LANCL2: variants seen among roughly 807,000 people sequenced by gnomAD.
LANCL2 encodes lanC-like protein 2.
In LANCL2, 33 loss-of-function variants were observed where a neutral mutation model predicts 56.9. The ratio of observed to expected loss-of-function variants is 0.58; its 90% CI spans 0.44 to 0.78. The LOEUF (loss-of-function observed/expected upper bound fraction) is 0.78, where lower values mean the gene tolerates loss of function less well. LANCL2 is among the 30% of genes least tolerant of loss of function. The pLI is 0.00. For synonymous variants in LANCL2, 233 were observed against 228.2 expected (o/e 1.02, Z -0.19); for missense variants, 562 against 580.2 (o/e 0.97, Z 0.32).
At chr7:55,379,212 A>G (rs941111166) in intron 1 of LANCL2, among the ~76,000 whole-genome samples, 2 of 152,216 alleles carry the variant, frequency 1.3e-5, no homozygotes, top group Non-Finnish European at 2.9e-5. Context: ...TTAGTAGCAT[A>G]TGCTTTGGAA....
intron 1 of LANCL2, 142 bp downstream of exon 1, chr7:55,366,371 C>T: frequency 3.0e-6 from 2 of 673,204 alleles, no homozygotes; most frequent in Non-Finnish European, 4.7e-6. Context: ...TGTCTCCGGG[C>T]CTTCCCGATG....
intron 1 of LANCL2, among the ~76,000 whole-genome samples, chr7:55,368,895 A>G (rs1394785400): frequency 3.9e-5 from 6 of 152,264 alleles, no homozygotes; most frequent in Admixed American, 6.5e-5. Flanking sequence ...CTGTAATACC[A>G]GCACTTTGGG....
At chr7:55,391,144 G>A (rs1014249330) in intron 1 of LANCL2, among the ~76,000 whole-genome samples, 6 of 151,036 alleles carry the variant, frequency 4.0e-5, no homozygotes, top group Non-Finnish European at 7.4e-5. Flanking sequence ...AGCCTCCCGC[G>A]TAGCTGGGAC....
chr7:55,371,068 A>G (rs1404808177), intron 1 of LANCL2, among the ~76,000 whole-genome samples: 1 of 152,174 alleles, frequency 6.6e-6, no homozygotes, highest in East Asian at 1.9e-4. Context: ...CGTGAATCCC[A>G]CATCCAGTGC....
At chr7:55,372,561 G>A (rs1008956947) in intron 1 of LANCL2, among the ~76,000 whole-genome samples, 1 of 152,132 alleles carries the variant, frequency 6.6e-6, no homozygotes. Flanking sequence ...TGGCTAATTA[G>A]GTTAATACAT....
chr7:55,389,948 C>G (rs1327702235), intron 1 of LANCL2, among the ~76,000 whole-genome samples: 1 of 152,164 alleles, frequency 6.6e-6, no homozygotes, highest in Non-Finnish European at 1.5e-5. Context: ...GGCCTCATGG[C>G]ACTTTGAAAT....
chr7:55,405,087 T>C (rs7778475), intron 5 of LANCL2, among the ~76,000 whole-genome samples: 44,479 of 152,152 alleles, frequency 0.29, 8,066 homozygotes, highest in East Asian at 0.55. Flanking sequence ...CACGCAACCA[T>C]GGAGTCCCAG....
At chr7:55,399,793 CTG>C (rs1790299894) in intron 3 of LANCL2, among the ~76,000 whole-genome samples, 162 bp from the exon 4 acceptor site, 1 of 152,056 alleles carries the variant, frequency 6.6e-6, no homozygotes, top group Non-Finnish European at 1.5e-5. Context: ...GACTAGTAAA[CTG>C]GAGACGTTTT....
intron 2 of LANCL2, among the ~76,000 whole-genome samples, chr7:55,392,297 A>C (rs1205792714): frequency 6.6e-6 from 1 of 152,026 alleles, no homozygotes; most frequent in African/African-American, 2.4e-5. Flanking sequence ...CATCTGAAAA[A>C]AATAAAATGG....
rs1789858323 is a variant in LANCL2 at position 55,366,031 on chromosome 7, C to T, written c.6C>T (p.Gly2=). Residue 2 remains glycine, a synonymous_variant, in exon 1 of 9, where the codon GGC becomes GGT. Coordinates refer to ENST00000254770, the MANE Select transcript of LANCL2 (RefSeq NM_018697.4). ...CGCGCCGTACCGCGGCGGAGATGGG[C>T]GAGACCATGTCAAAGAGGCTGAAGC... M[G]ETMSKRLKLH... is the part of the protein sequence containing the mutation. 4 of 1,478,926 alleles carry T rather than the reference C, an allele frequency of 2.7e-6. No individual in the cohort carries two copies. The highest frequency in any genetic ancestry group is 1.3e-5 in the South Asian group (1 of 77,262). The allele number at this position is 1,478,926 out of a possible 1,614,324, so 91.6% of individuals were successfully genotyped here.
chr7:55,373,620 A>T (rs1562855967), intron 1 of LANCL2, among the ~76,000 whole-genome samples: 1 of 152,198 alleles, frequency 6.6e-6, no homozygotes, highest in Non-Finnish European at 1.5e-5. Flanking sequence ...AAACATCCTC[A>T]CTGCTTGATA....
chr7:55,390,647 G>A lies in LANCL2; in HGVS notation c.205-1146G>A, dbSNP rs1790176835. On this transcript the variant is annotated intron_variant, in intron 1 of 8. Transcript: ENST00000254770. ...AATACAAAAATTAGCTGGGCGTGGT[G>A]GCAAGCGCCTGTAGTCCCAGCTACT... is the stretch of plus-strand genomic sequence containing the variant. 2.0e-5 allele frequency among the ~76,000 whole-genome samples: 3 copies of A among 152,082 alleles called. No homozygotes were observed. In the South Asian group the frequency reaches 6.2e-4, roughly 32 times the overall value.
intron 6 of LANCL2, among the ~76,000 whole-genome samples, chr7:55,422,611 G>A (rs914083916): frequency 4.6e-5 from 7 of 152,056 alleles, no homozygotes; most frequent in East Asian, 1.9e-4. Context: ...CAGATTTCTC[G>A]TTCTTCTCTG....
At position 55,412,093 on chromosome 7, in the gene LANCL2, AGT is replaced by A. The variant is rs1468797010; in HGVS notation, c.1008+6_1008+7del. The A allele has an allele frequency of 6.2e-7, 1 of 1,609,644 alleles. No individual in the cohort carries two copies. Among genetic ancestry groups the A allele is most frequent in the Non-Finnish European group, 8.5e-7 (1 of 1,176,774 alleles). On this transcript the variant is annotated splice_donor_5th_base_variant and intron_variant, in intron 6 of 8. Coordinates refer to ENST00000254770, the MANE Select transcript of LANCL2 (RefSeq NM_018697.4). The stretch of plus-strand genomic sequence containing the variant: ...CATGCTCATGCAGGCGTACAAGGTC[AGT>A]GCTTCCGCCGTCACGGCCGTCCCCT...
chr7:55,406,078 A>G (rs1256881572), intron 5 of LANCL2, among the ~76,000 whole-genome samples: 1 of 152,202 alleles, frequency 6.6e-6, no homozygotes, highest in Non-Finnish European at 1.5e-5. Flanking sequence ...GAGGGAGTGG[A>G]AAGGGAGCAG....
chr7:55,402,375 A>G (rs1405813968), intron 5 of LANCL2, among the ~76,000 whole-genome samples: 48 of 67,104 alleles, frequency 7.2e-4, no homozygotes, highest in African/African-American at 2.2e-3. Flanking sequence ...AGGGGCGGCC[A>G]GGCAGAGGCG....
At position 55,366,068 on chromosome 7, in the gene LANCL2, G is replaced by A. The variant is rs967546551; in HGVS notation, c.43G>A (p.Gly15Arg). 3.9e-6 allele frequency: 6 copies of A among 1,528,636 alleles called. No homozygotes were observed. Among genetic ancestry groups the A allele is most frequent in the Middle Eastern group, 1.7e-4 (1 of 5,846 alleles). The allele number at this position is 1,528,636 out of a possible 1,614,324, so 94.7% of individuals were successfully genotyped here. Residue 15 changes from glycine (G) to arginine (R), a missense_variant, in exon 1 of 9, where the codon GGG (glycine) becomes AGG (arginine). Physicochemically the swap from Gly to Arg is moderately radical, Grantham distance 125. Around this residue, in one of 2 missense-constraint regions of LANCL2, gnomAD observed 184 missense variants for 111.8 expected, o/e 1.65. Transcript: ENST00000254770. ...MSKRLKLHLG[G>R]EAEMEERAFV... is the part of the protein sequence containing the mutation. Reference sequence around the variant, plus strand: ...AAAGAGGCTGAAGCTCCACCTGGGAGGGGAGGCAGAAATGGAGGAACGGGC... The same window carrying A: ...AAAGAGGCTGAAGCTCCACCTGGGAAGGGAGGCAGAAATGGAGGAACGGGC...
chr7:55,388,421 C>T (rs1790148857), intron 1 of LANCL2, among the ~76,000 whole-genome samples: 1 of 152,286 alleles, frequency 6.6e-6, no homozygotes, highest in Admixed American at 6.5e-5. Context: ...TGGTGCATGC[C>T]TGTAATCCCA....
At chr7:55,415,813 C>T (rs1371453710) in intron 6 of LANCL2, among the ~76,000 whole-genome samples, 2 of 151,880 alleles carry the variant, frequency 1.3e-5, no homozygotes, top group Admixed American at 1.3e-4. Flanking sequence ...CGGGGTTTCA[C>T]CATGTTGCCC....
Sources: gnomAD v4.1 joint callset for allele counts (sites outside exome capture counted in the v4.1 genomes callset) on GRCh38, gnomAD v4.1.1 for gene constraint, gnomAD v4.1.1 regional missense constraint, MANE v1.5 for transcripts, NCBI Gene and HGNC (gene_info 2026-07-23, HGNC 2026-07-21) for gene names.